Variants in CCDC7 observed in about 807,000 individuals in gnomAD.
CCDC7 encodes coiled-coil domain-containing protein 7.
In CCDC7, 183 loss-of-function variants were observed where a neutral mutation model predicts 196.9. The observed-to-expected ratio is 0.93, with a 90% CI of 0.82 to 1.05. The LOEUF is 1.05. CCDC7 is among the 50% of genes least tolerant of loss of function. The pLI is 0.00. For missense variants in CCDC7, 1,540 were observed against 1,482.2 expected (o/e 1.04, Z -0.64); for synonymous variants, 525 against 484.6 (o/e 1.08, Z -1.10).
chr10:32,844,591 T>C (rs567628690), intron 33 of CCDC7, among the ~76,000 whole-genome samples: 2 of 151,956 alleles, frequency 1.3e-5, no homozygotes, highest in East Asian at 1.9e-4. Context: ...TGGTGTAAAT[T>C]TAAGGTTATA....
intron 16 of CCDC7, among the ~76,000 whole-genome samples, chr10:32,581,179 A>G (rs1432363551): frequency 6.6e-6 from 1 of 152,146 alleles, no homozygotes; most frequent in Admixed American, 6.5e-5. Flanking sequence ...CTGCTAAAAT[A>G]CATGCTCATA....
At position 32,829,736 on chromosome 10, in the gene CCDC7, G is replaced by A. The variant is rs115618229; in HGVS notation, c.3269-5079G>A. ...GTTAATACTGAGTGTTAACTTGATT[G>A]GAGTGAAGGATGCAAAGTATTGATT... On this transcript the variant is annotated intron_variant, in intron 32 of 41. Coordinates refer to ENST00000639629, the Ensembl canonical transcript of CCDC7. Among the ~76,000 whole-genome samples, 983 of 152,106 alleles carry A rather than the reference G, an allele frequency of 6.5e-3. 8 individuals are homozygous for A. Among genetic ancestry groups the A allele is most frequent in the African/African-American group, 0.023 (936 of 41,500 alleles).
At chr10:32,686,768 C>A (rs961290029) in intron 22 of CCDC7, among the ~76,000 whole-genome samples, 4 of 152,164 alleles carry the variant, frequency 2.6e-5, no homozygotes, top group African/African-American at 9.7e-5. Context: ...TCTTGGGTAA[C>A]AAGGTCTTTG....
intron 32 of CCDC7, among the ~76,000 whole-genome samples, chr10:32,830,043 A>G (rs1174525681): frequency 6.8e-6 from 1 of 146,892 alleles, no homozygotes; most frequent in Non-Finnish European, 1.5e-5. Context: ...GCAGGAGCTG[A>G]CCTATTGTGG....
At chr10:32,665,892 T>C (rs1238830469) in intron 21 of CCDC7, among the ~76,000 whole-genome samples, 1 of 152,008 alleles carries the variant, frequency 6.6e-6, no homozygotes, top group African/African-American at 2.4e-5. Context: ...GTTTTATAGT[T>C]TTCATTGTAG....
chr10:32,721,796 T>C (rs1350215712), intron 25 of CCDC7, among the ~76,000 whole-genome samples: 2 of 152,128 alleles, frequency 1.3e-5, no homozygotes, highest in African/African-American at 4.8e-5. Flanking sequence ...TGTTTGGTAG[T>C]GTCTGGACCC....
At chr10:32,502,861 TC>T (rs1214000575) in intron 9 of CCDC7, among the ~76,000 whole-genome samples, 2 of 152,214 alleles carry the variant, frequency 1.3e-5, no homozygotes, top group Non-Finnish European at 2.9e-5. Context: ...GTGCAAAAGA[TC>T]TTTCACTTCT....
chr10:32,872,907 G>T (rs952488196), intron 41 of CCDC7, among the ~76,000 whole-genome samples: 1 of 152,130 alleles, frequency 6.6e-6, no homozygotes, highest in South Asian at 2.1e-4. Context: ...CTGAGAGATC[G>T]GCTGTTAGTC....
At chr10:32,711,889 T>G (rs1406885008) in intron 25 of CCDC7, among the ~76,000 whole-genome samples, 159 bp downstream of exon 26, 2 of 152,156 alleles carry the variant, frequency 1.3e-5, no homozygotes, top group Non-Finnish European at 2.9e-5. Flanking sequence ...ACAAAGATAA[T>G]GATATGTTTT....
At chr10:32,518,567 A>G (rs1189092207) in intron 11 of CCDC7, 62 bp downstream of exon 12, 113 of 1,284,884 alleles carry the variant, frequency 8.8e-5, no homozygotes, top group Non-Finnish European at 1.2e-4. Flanking sequence ...ATGTTAGGAT[A>G]GAAATCAAAG....
intron 16 of CCDC7, among the ~76,000 whole-genome samples, chr10:32,581,671 A>T (rs1220989079): frequency 6.6e-6 from 1 of 152,154 alleles, no homozygotes; most frequent in Non-Finnish European, 1.5e-5. Flanking sequence ...GAACGTGGGA[A>T]TATGGTTATA....
At chr10:32,502,821 A>T (rs575900380) in intron 9 of CCDC7, among the ~76,000 whole-genome samples, 1 of 152,124 alleles carries the variant, frequency 6.6e-6, no homozygotes, top group Non-Finnish European at 1.5e-5. Context: ...GTGTTCTTCA[A>T]TTTATTTCAT....
chr10:32,738,499 G>T (rs1398829911), intron 28 of CCDC7, among the ~76,000 whole-genome samples: 1 of 94,688 alleles, frequency 1.1e-5, no homozygotes. Flanking sequence ...TTTTTTGACA[G>T]GGCCTTGCTT....
At chr10:32,461,750 T>C (rs1380792361) in intron 3 of CCDC7, among the ~76,000 whole-genome samples, 4 of 71,848 alleles carry the variant, frequency 5.6e-5, no homozygotes, top group African/African-American at 1.5e-4. Flanking sequence ...TATATATATA[T>C]ACATATATAT....
intron 11 of CCDC7, among the ~76,000 whole-genome samples, chr10:32,526,429 AG>A (rs1393762163): frequency 6.6e-6 from 1 of 152,104 alleles, no homozygotes; most frequent in Non-Finnish European, 1.5e-5. Flanking sequence ...GCTGATACCT[AG>A]GGTGCAGGAC....
chr10:32,485,998 A>C (rs527703615), intron 8 of CCDC7, among the ~76,000 whole-genome samples: 1 of 152,328 alleles, frequency 6.6e-6, no homozygotes, highest in South Asian at 2.1e-4. Context: ...AGAGTTCTGT[A>C]GATGTCTATT....
In CCDC7 at chr10:32,482,485, C is replaced by A. The variant is rs187267622; in HGVS notation, c.796+8462C>A. On this transcript the variant is annotated intron_variant, in intron 8 of 41. Coordinates refer to ENST00000639629, the Ensembl canonical transcript of CCDC7. ...TTTCTAATTTTAATTTTATTATATT[C>A]TTTGGCATCAGAATTTCTTTTTTTT... 6.0e-5 allele frequency among the ~76,000 whole-genome samples: 9 copies of A among 150,378 alleles called. No homozygotes were observed. The East Asian group carries it at 1.7e-3, about 29-fold the overall frequency.
chr10:32,831,283 G>C (rs75535955), intron 32 of CCDC7, among the ~76,000 whole-genome samples: 2,555 of 151,234 alleles, frequency 0.017, 72 homozygotes, highest in African/African-American at 0.051. Flanking sequence ...AGTAGAGCTT[G>C]CAAGACTGAA....
chr10:32,444,884 C>T (rs532446571), upstream of CCDC7, among the ~76,000 whole-genome samples: 196 of 148,682 alleles, frequency 1.3e-3, 1 homozygote, highest in African/African-American at 4.6e-3. Flanking sequence ...GATGGAGTCT[C>T]GCTCTGTTGC....
Sources: allele counts gnomAD v4.1 joint callset (sites outside exome capture counted in the v4.1 genomes callset), GRCh38; gene constraint gnomAD v4.1.1; transcripts MANE v1.5; gene names NCBI Gene and HGNC (gene_info 2026-07-23, HGNC 2026-07-21).